Variants in CNOT8 observed in about 807,000 individuals in gnomAD.
The protein encoded by CNOT8 is CCR4-NOT transcription complex subunit 8, also known as CAF1-like protein.
A neutral mutation model predicts 34.6 loss-of-function variants in CNOT8; 18 were observed. The observed-to-expected ratio is 0.52, with a 90% CI of 0.36 to 0.77. The LOEUF is 0.77. CNOT8 is among the 30% of genes least tolerant of loss of function. The probability of loss-of-function intolerance (pLI) is 0.00; values close to 1 mark genes in which losing one functional copy is unlikely to be tolerated. For synonymous variants in CNOT8, 101 were observed against 118.8 expected, an observed-to-expected ratio of 0.85 and a Z score of 0.98; for missense variants, 189 against 347.9, an observed-to-expected ratio of 0.54 and a Z score of 3.63.
chr5:154,873,319 C>A (rs1762655713), intron 6 of CNOT8, among the ~76,000 whole-genome samples: 1 of 152,230 alleles, frequency 6.6e-6, no homozygotes, highest in Non-Finnish European at 1.5e-5. Flanking sequence ...GACGTGAAAG[C>A]CACTTTCCAG....
chr5:154,873,982 G>A (rs1048351910), intron 6 of CNOT8, among the ~76,000 whole-genome samples: 2 of 152,140 alleles, frequency 1.3e-5, no homozygotes, highest in Non-Finnish European at 2.9e-5. Context: ...ACAGTGGAGA[G>A]ATCTTGCGTT....
rs1273688170 is a variant in CNOT8, at chr5:154,875,574, T to C, written c.*135T>C. The C allele has an allele frequency of 4.2e-6, 4 of 947,042 alleles. No individual in the cohort carries two copies. The African/African-American group carries it at 5.0e-5, about 12-fold the overall frequency. 58.7% of individuals were successfully genotyped at this position (947,042 alleles called of 1,614,324 possible). On this transcript the variant is annotated 3_prime_UTR_variant, in exon 7 of 7. Transcript: ENST00000285896. ...CCATCTGCATTGAGCAGAAAGACTT[T>C]TGTTTTACTGAAGACAAAAGATGTT...
upstream of CNOT8, chr5:154,858,532 C>T (rs889721702): frequency 6.6e-6 from 1 of 152,164 alleles, no homozygotes; most frequent in Non-Finnish European, 1.5e-5. Context: ...GCAGGCGAGT[C>T]GGGCGGATCG....
intron 2 of CNOT8, 35 bp downstream of exon 2, chr5:154,863,430 A>G (rs1161920113): frequency 1.3e-6 from 2 of 1,496,822 alleles, no homozygotes; most frequent in East Asian, 4.5e-5. Context: ...CTTCTTTGTC[A>G]CTTTTAAAGT....
At chr5:154,871,995 CAG>C (rs1265996727) in intron 5 of CNOT8, 121 bp downstream of exon 5, 1 of 797,590 alleles carries the variant, frequency 1.3e-6, no homozygotes, top group African/African-American at 1.7e-5. Flanking sequence ...TGGTGGTAGA[CAG>C]GGTATAATAT....
rs929074055 is a variant in CNOT8 at position 154,865,523 on chromosome 5, G to A, written c.311+138G>A. On this transcript the variant is annotated intron_variant, in intron 3 of 6. Transcript: ENST00000285896. ...AAGTCCTGCTTAAAGAACTGCAGCA[G>A]CTCAACAATGAAAAGATAAACAACC... is the stretch of plus-strand genomic sequence containing the variant. 4 of 536,468 alleles carry A rather than the reference G, an allele frequency of 7.5e-6. No homozygotes were observed. In the East Asian group the frequency reaches 9.5e-5, roughly 13 times the overall value. 33.2% of individuals were successfully genotyped at this position (536,468 alleles called of 1,614,324 possible).
chr5:154,864,059 C>T (rs1452545237), intron 2 of CNOT8, among the ~76,000 whole-genome samples: 2 of 152,166 alleles, frequency 1.3e-5, no homozygotes, highest in African/African-American at 4.8e-5. Flanking sequence ...TGTAGACGGG[C>T]ATGTGCTCTC....
In CNOT8 at chr5:154,875,541, T is replaced by G; in HGVS notation, c.*102T>G. 7.9e-7 allele frequency: 1 copy of G among 1,267,370 alleles called. No homozygotes were observed. The highest frequency in any genetic ancestry group is 1.5e-5 in the South Asian group (1 of 68,764). The allele number at this position is 1,267,370 out of a possible 1,614,324, so 78.5% of individuals were successfully genotyped here. ...GAGAAAATGCTTCTTTTGAGCACACTGTACCTACCATCTGCATTGAGCAGA... is the reference window on the plus strand; with the variant it reads ...GAGAAAATGCTTCTTTTGAGCACACGGTACCTACCATCTGCATTGAGCAGA... On this transcript the variant is annotated 3_prime_UTR_variant, in exon 7 of 7. Transcript: ENST00000285896.
chr5:154,868,558 G>A (rs934673779), intron 3 of CNOT8, among the ~76,000 whole-genome samples: 3 of 152,006 alleles, frequency 2.0e-5, no homozygotes, highest in Non-Finnish European at 4.4e-5. Context: ...GTGAGCCACC[G>A]CACCCGACCT....
chr5:154,875,221 G>T (rs1449041075), intron 6 of CNOT8, 69 bp from the exon 7 acceptor site: 63 of 1,546,050 alleles, frequency 4.1e-5, no homozygotes, highest in Non-Finnish European at 5.4e-5. Context: ...CCGGCCAGAT[G>T]TGATAATATT....
chr5:154,875,548 A>G lies in CNOT8; in HGVS notation c.*109A>G. 1.7e-6 allele frequency: 2 copies of G among 1,199,490 alleles called. No homozygotes were observed. The highest frequency in any genetic ancestry group is 2.3e-6 in the Non-Finnish European group (2 of 868,734). The allele number at this position is 1,199,490 out of a possible 1,614,324, so 74.3% of individuals were successfully genotyped here. A position where few individuals can be genotyped will look rare whatever the true frequency, so the allele number is the denominator to read the frequency against. ...TGCTTCTTTTGAGCACACTGTACCT[A>G]CCATCTGCATTGAGCAGAAAGACTT... On this transcript the variant is annotated 3_prime_UTR_variant, in exon 7 of 7. Coordinates refer to ENST00000285896, the MANE Select transcript of CNOT8 (RefSeq NM_001301073.2).
chr5:154,861,747 G>A (rs1761362939), intron 1 of CNOT8, among the ~76,000 whole-genome samples: 1 of 152,200 alleles, frequency 6.6e-6, no homozygotes, highest in African/African-American at 2.4e-5. Flanking sequence ...CGCCCAGGCT[G>A]GAGTGCGGTG....
At chr5:154,874,961 G>A (rs1412051740) in intron 6 of CNOT8, among the ~76,000 whole-genome samples, 1 of 151,880 alleles carries the variant, frequency 6.6e-6, no homozygotes, top group African/African-American at 2.4e-5. Flanking sequence ...ATGTTGCCCA[G>A]GCTGGAGTGC....
intron 6 of CNOT8, among the ~76,000 whole-genome samples, chr5:154,872,969 A>T (rs1164666575): frequency 2.0e-5 from 3 of 152,098 alleles, no homozygotes; most frequent in Non-Finnish European, 4.4e-5. Context: ...GGGTTTCGCC[A>T]TGTTGGCCAG....
At chr5:154,870,922 T>TCAGCAG (rs1762429086) in intron 4 of CNOT8, 100 bp downstream of exon 4, 2 of 1,025,098 alleles carry the variant, frequency 2.0e-6, no homozygotes. Context: ...ACTGTTCTGT[T>TCAGCAG]CAGCAGCAGC....
chr5:154,870,800 G>A lies in CNOT8; in HGVS notation c.451G>A (p.Val151Ile). 1 of 1,613,790 alleles carries A rather than the reference G, an allele frequency of 6.2e-7. No homozygotes were observed. Residue 151 changes from valine to isoleucine, a missense_variant, in exon 4 of 7, where the codon GTC (valine) becomes ATC (isoleucine). Around this residue, in one of 2 missense-constraint regions of CNOT8, gnomAD observed 160 missense variants for 321.9 expected, o/e 0.50. Transcript: ENST00000285896. ...MTSGVVLCDN[V>I]KWLSFHSGYD... is the part of the protein sequence containing the mutation. Reference sequence around the variant, plus strand: ...ATCAGGAGTGGTTCTCTGTGACAATGTCAAATGGCTTTCATTTCATAGGTC... The same window carrying A: ...ATCAGGAGTGGTTCTCTGTGACAATATCAAATGGCTTTCATTTCATAGGTC...
chr5:154,870,860 G>T, intron 4 of CNOT8, 38 bp downstream of exon 4: 2 of 1,544,266 alleles, frequency 1.3e-6, no homozygotes, highest in Non-Finnish European at 1.8e-6. Context: ...TCTCACTTTG[G>T]GCTACACTGA....
chr5:154,868,976 C>T (rs1251997832), intron 3 of CNOT8, among the ~76,000 whole-genome samples: 2 of 152,234 alleles, frequency 1.3e-5, no homozygotes, highest in Non-Finnish European at 2.9e-5. Context: ...ATTTCTCAGC[C>T]TGCAGCAGCT....
chr5:154,872,589 A>G lies in CNOT8; in HGVS notation c.667A>G (p.Arg223Gly), dbSNP rs1390863913. 6.2e-7 allele frequency: 1 copy of G among 1,613,734 alleles called. No individual in the cohort carries two copies. The highest frequency in any genetic ancestry group is 8.5e-7 in the Non-Finnish European group (1 of 1,179,826). The change falls in exon 6 of 7, where the codon AGG (arginine) becomes GGG (glycine). Residue 223 changes from arginine (R) to glycine (G), a missense_variant. By Grantham distance (125) the Arg-to-Gly change is moderately radical (BLOSUM62 -2). Transcript: ENST00000285896. ...ADQLDLQRIG[R>G]QHQAGSDSLL... ...TCAGTTGGATTTGCAGAGGATTGGA[A>G]GGCAGCACCAGGCAGGCTCAGACTC...
Sources: allele counts gnomAD v4.1 joint callset (sites outside exome capture counted in the v4.1 genomes callset), GRCh38; gene constraint gnomAD v4.1.1; regional missense constraint gnomAD v4.1.1; transcripts MANE v1.5; gene names NCBI Gene and HGNC (gene_info 2026-07-23, HGNC 2026-07-21).